Variants in TNFSF13B observed in about 807,000 individuals in gnomAD.
TNFSF13B encodes the protein TNF superfamily member 13b.
A neutral mutation model predicts 29.1 loss-of-function variants in TNFSF13B; 8 were observed. That is an observed-to-expected ratio of 0.27 (90% CI 0.16 to 0.50). TNFSF13B has a LOEUF of 0.50. TNFSF13B is among the 20% of genes least tolerant of loss of function. TNFSF13B has a pLI of 0.98. For missense variants in TNFSF13B, 248 were observed against 334.9 expected (o/e 0.74, Z 2.03); for synonymous variants, 125 against 130.8 (o/e 0.96, Z 0.30).
intron 5 of TNFSF13B, among the ~76,000 whole-genome samples, chr13:108,304,023 T>G (rs1881702794): frequency 1.3e-5 from 2 of 152,234 alleles, no homozygotes; most frequent in Non-Finnish European, 2.9e-5. Flanking sequence ...ATGTTATATA[T>G]GCTTGCTTAT....
At position 108,305,600 on chromosome 13, in the gene TNFSF13B, T is replaced by A. The variant is rs1189389030; in HGVS notation, c.746-1226T>A. 3.9e-5 allele frequency among the ~76,000 whole-genome samples: 6 copies of A among 152,134 alleles called. No homozygotes were observed. The East Asian group carries it at 1.2e-3, about 29-fold the overall frequency. ...AGTCTGTTCAACAAATAAATCTCAA[T>A]CTTTTTATTCTTACTACTTAAGGTA... On this transcript the variant is annotated intron_variant, in intron 5 of 5. Coordinates refer to ENST00000375887, the MANE Select transcript of TNFSF13B (RefSeq NM_006573.5).
intron 2 of TNFSF13B, among the ~76,000 whole-genome samples, chr13:108,275,028 C>A (rs1036502112): frequency 7.2e-5 from 11 of 152,110 alleles, no homozygotes; most frequent in African/African-American, 2.7e-4. Flanking sequence ...AAACCAAAAT[C>A]TCATTAAGCT....
intron 3 of TNFSF13B, among the ~76,000 whole-genome samples, chr13:108,290,056 C>T (rs779267102): frequency 6.6e-6 from 1 of 152,148 alleles, no homozygotes; most frequent in Non-Finnish European, 1.5e-5. Context: ...CAGACTCCCT[C>T]TATGTTAACA....
chr13:108,295,795 G>T (rs1881446138), intron 3 of TNFSF13B, among the ~76,000 whole-genome samples: 1 of 145,178 alleles, frequency 6.9e-6, no homozygotes, highest in Non-Finnish European at 1.5e-5. Context: ...AGATCAATTT[G>T]TTGTTTAAGA....
Position 108,286,769 on chromosome 13 carries a change from C to T in TNFSF13B, c.425-34C>T. On this transcript the variant is annotated intron_variant, in intron 2 of 5. Coordinates refer to ENST00000375887, the MANE Select transcript of TNFSF13B (RefSeq NM_006573.5). ...TCTCAGTTTCTTTATTATTTCTACT[C>T]AAGTAACTAAAATGATAAATTTTTG... 2.0e-6 allele frequency: 3 copies of T among 1,478,542 alleles called. No homozygotes were observed. In the South Asian group the frequency reaches 3.7e-5, roughly 18 times the overall value. The allele number at this position is 1,478,542 out of a possible 1,614,324, so 91.6% of individuals were successfully genotyped here.
chr13:108,271,444 T>TCACACACACACACACA (rs59438208), intron 2 of TNFSF13B, among the ~76,000 whole-genome samples: 2 of 143,002 alleles, frequency 1.4e-5, no homozygotes, highest in African/African-American at 5.2e-5. Context: ...GACCCTTCTA[T>TCACACACACACACACA]CACACACACA....
intron 3 of TNFSF13B, among the ~76,000 whole-genome samples, chr13:108,292,152 C>T (rs977908018): frequency 2.0e-5 from 3 of 151,992 alleles, no homozygotes; most frequent in Admixed American, 6.6e-5. Flanking sequence ...CCCCATGCCC[C>T]TGTACCAGCA....
intron 2 of TNFSF13B, among the ~76,000 whole-genome samples, chr13:108,278,988 A>G (rs1225583357): frequency 6.6e-6 from 1 of 152,200 alleles, no homozygotes; most frequent in African/African-American, 2.4e-5. Context: ...CTCTTGAGGA[A>G]AATGTTTCCT....
chr13:108,282,082 T>C (rs764668339), intron 2 of TNFSF13B, among the ~76,000 whole-genome samples: 3 of 152,114 alleles, frequency 2.0e-5, no homozygotes, highest in Non-Finnish European at 4.4e-5. Flanking sequence ...TTTAAAAACA[T>C]ATGGTGCAAT....
At chr13:108,270,600 C>T (rs533963099) in intron 2 of TNFSF13B, among the ~76,000 whole-genome samples, 176 bp downstream of exon 2, 13 of 152,284 alleles carry the variant, frequency 8.5e-5, no homozygotes, top group African/African-American at 2.9e-4. Flanking sequence ...ATGTAACAGG[C>T]TGCATGGGTG....
chr13:108,297,897 G>T (rs531381792), intron 3 of TNFSF13B, among the ~76,000 whole-genome samples: 2 of 145,592 alleles, frequency 1.4e-5, no homozygotes, highest in Non-Finnish European at 3.1e-5. Flanking sequence ...ATGCATAATG[G>T]CATGTATCCA....
intron 3 of TNFSF13B, among the ~76,000 whole-genome samples, chr13:108,287,966 A>T (rs904187726): frequency 6.6e-6 from 1 of 152,208 alleles, no homozygotes; most frequent in Admixed American, 6.5e-5. Flanking sequence ...TCAGTGTCGT[A>T]TAAGTTTGGA....
Position 108,306,848 on chromosome 13 carries a change from A to T in TNFSF13B, c.768A>T (p.Gly256=), listed in dbSNP as rs757813780. The T allele has an allele frequency of 1.1e-5, 17 of 1,610,516 alleles. No individual in the cohort carries two copies. Among genetic ancestry groups the T allele is most frequent in the Non-Finnish European group, 1.2e-5 (14 of 1,177,794 alleles). Reference sequence around the variant, plus strand: ...CAGGCATTGCAAAACTGGAAGAAGGAGATGAACTCCAACTTGCAATACCAA... The same window carrying T: ...CAGGCATTGCAAAACTGGAAGAAGGTGATGAACTCCAACTTGCAATACCAA... ...YSAGIAKLEE[G]DELQLAIPRE... Residue 256 remains glycine, a synonymous_variant, in exon 6 of 6, where the codon GGA becomes GGT. Coordinates refer to ENST00000375887, the MANE Select transcript of TNFSF13B (RefSeq NM_006573.5).
intron 5 of TNFSF13B, among the ~76,000 whole-genome samples, chr13:108,305,573 C>T (rs1157891504): frequency 2.0e-5 from 3 of 152,126 alleles, no homozygotes; most frequent in African/African-American, 7.2e-5. Context: ...ATGAAAATGA[C>T]AAGTCTGTTC....
At chr13:108,288,060 G>A (rs4421862) in intron 3 of TNFSF13B, among the ~76,000 whole-genome samples, 40,682 of 152,036 alleles carry the variant, frequency 0.27, 5,774 homozygotes, top group East Asian at 0.42. Context: ...TTTAAAAAAT[G>A]TTTGTTTAAC....
intron 3 of TNFSF13B, among the ~76,000 whole-genome samples, chr13:108,288,898 G>A (rs1344250808): frequency 6.6e-6 from 1 of 152,150 alleles, no homozygotes; most frequent in African/African-American, 2.4e-5. Flanking sequence ...TGATGAATGT[G>A]AGTTGGCACT....
intron 5 of TNFSF13B, 64 bp downstream of exon 5, chr13:108,303,668 C>A: frequency 1.3e-6 from 2 of 1,509,202 alleles, no homozygotes; most frequent in Non-Finnish European, 1.8e-6. Context: ...AAAATCTGAG[C>A]TGCAAAATGC....
intron 2 of TNFSF13B, among the ~76,000 whole-genome samples, chr13:108,273,778 T>C (rs1336028864): frequency 6.6e-6 from 1 of 152,130 alleles, no homozygotes; most frequent in Non-Finnish European, 1.5e-5. Context: ...ATGAGACCTA[T>C]AGAAAATGCG....
chr13:108,284,895 G>C (rs143007315), intron 2 of TNFSF13B, among the ~76,000 whole-genome samples: 56 of 152,236 alleles, frequency 3.7e-4, no homozygotes, highest in African/African-American at 1.3e-3. Context: ...TGTACGCTTG[G>C]GGCTTTAGCT....
Sources: allele counts gnomAD v4.1 joint callset (sites outside exome capture counted in the v4.1 genomes callset), GRCh38; gene constraint gnomAD v4.1.1; transcripts MANE v1.5; gene names NCBI Gene and HGNC (gene_info 2026-07-23, HGNC 2026-07-21).